Variants in PCDH15 observed in about 807,000 individuals in gnomAD.
PCDH15 encodes protocadherin related 15.
In PCDH15, 129 loss-of-function variants were observed where a neutral mutation model predicts 178.5. That is an observed-to-expected ratio of 0.72 (90% CI 0.63 to 0.84). PCDH15 has a LOEUF of 0.84. Ranked by LOEUF, PCDH15 falls within the 40% of genes least tolerant of loss-of-function variation. The pLI is 0.00. For synonymous variants in PCDH15, 800 were observed against 732.0 expected (o/e 1.09, Z -1.50); for missense variants, 2,230 against 2,099.9 (o/e 1.06, Z -1.21).
chr10:54,056,712 C>T (rs1359364774), intron 18 of PCDH15, among the ~76,000 whole-genome samples: 1 of 152,156 alleles, frequency 6.6e-6, no homozygotes, highest in African/African-American at 2.4e-5. Context: ...CAAAACCAAT[C>T]ATGCCTTCCA....
intron 8 of PCDH15, among the ~76,000 whole-genome samples, chr10:54,297,385 A>C (rs1239120479): frequency 6.6e-6 from 1 of 152,176 alleles, no homozygotes; most frequent in Non-Finnish European, 1.5e-5. Context: ...GGGAAGTATA[A>C]GTTACAATAC....
At chr10:55,331,384 A>G (rs1384458783) in intron 2 of PCDH15, among the ~76,000 whole-genome samples, 1 of 152,026 alleles carries the variant, frequency 6.6e-6, no homozygotes, top group Non-Finnish European at 1.5e-5. Flanking sequence ...ATTATTATTA[A>G]TGTATTTGAT....
chr10:54,391,870 T>C (rs1950582813), intron 3 of PCDH15, among the ~76,000 whole-genome samples: 1 of 152,156 alleles, frequency 6.6e-6, no homozygotes, highest in Non-Finnish European at 1.5e-5. Context: ...GGCATTGTCT[T>C]CTGAATTGGT....
chr10:54,668,218 T>C (rs2094603393), intron 1 of PCDH15, among the ~76,000 whole-genome samples: 1 of 152,036 alleles, frequency 6.6e-6, no homozygotes, highest in Non-Finnish European at 1.5e-5. Context: ...GACACATTTC[T>C]TTTCTCCCAT....
intron 2 of PCDH15, among the ~76,000 whole-genome samples, chr10:55,544,688 G>A (rs193236467): frequency 5.3e-5 from 8 of 152,162 alleles, no homozygotes; most frequent in Admixed American, 3.3e-4. Context: ...GAAAATCTGC[G>A]CAAGCCTGGT....
chr10:54,835,532 T>G lies in PCDH15; in HGVS notation c.-29+61918A>C, dbSNP rs139512688. Among the ~76,000 whole-genome samples the G allele has an allele frequency of 3.9e-5, 6 of 152,130 alleles. No homozygotes were observed. The East Asian group carries it at 9.7e-4, about 24-fold the overall frequency. On this transcript the variant is annotated intron_variant, in intron 3 of 5. Coordinates refer to the PCDH15 transcript ENST00000458638. ...CATAGACACAGTTCCCCAGTACATA[T>G]CCCTACTAAGACAAACACCACCAAC...
At chr10:54,828,493 G>C (rs1953167286) in intron 3 of PCDH15, among the ~76,000 whole-genome samples, 1 of 151,766 alleles carries the variant, frequency 6.6e-6, no homozygotes, top group South Asian at 2.1e-4. Context: ...GTATGTGTAT[G>C]TGTATGTGTA....
In PCDH15 at chr10:53,961,833, G is replaced by T. The variant is rs1338597009; in HGVS notation, c.2928C>A (p.Ala976=). The T allele has an allele frequency of 6.2e-7, 1 of 1,610,420 alleles. No individual in the cohort carries two copies. Among genetic ancestry groups the T allele is most frequent in the Non-Finnish European group, 8.5e-7 (1 of 1,177,328 alleles). ...AATCTTCTTCCACTTCAAAAATACTGGCAGGGTAAGGAAACTGTACATCAT... is the reference window on the plus strand; with the variant it reads ...AATCTTCTTCCACTTCAAAAATACTTGCAGGGTAAGGAAACTGTACATCAT... ...RVDDVQFPYP[A]SIFEVEEDSG... Residue 976 remains alanine (A), a synonymous_variant, in exon 22 of 38, where the codon GCC becomes GCA. Coordinates refer to ENST00000644397, the MANE Select transcript of PCDH15 (RefSeq NM_001384140.1).
At chr10:54,391,732 TG>T (rs1171160839) in intron 3 of PCDH15, among the ~76,000 whole-genome samples, 1 of 152,194 alleles carries the variant, frequency 6.6e-6, no homozygotes, top group Non-Finnish European at 1.5e-5. Flanking sequence ...CTCCTTTCTT[TG>T]CCCATTTGTG....
At chr10:54,152,978 C>A in intron 14 of PCDH15, 122 bp downstream of exon 14, 1 of 1,213,216 alleles carries the variant, frequency 8.2e-7, no homozygotes, top group Non-Finnish European at 1.2e-6. Flanking sequence ...TCTGGTCTCT[C>A]TGATTTTCTG....
intron 2 of PCDH15, among the ~76,000 whole-genome samples, chr10:54,995,133 T>C (rs1026877634): frequency 6.6e-6 from 1 of 152,010 alleles, no homozygotes; most frequent in Non-Finnish European, 1.5e-5. Context: ...TCCCAGCACT[T>C]TGGGAGGCCG....
intron 21 of PCDH15, among the ~76,000 whole-genome samples, chr10:53,966,409 T>A (rs2089024407): frequency 6.6e-6 from 1 of 152,166 alleles, no homozygotes; most frequent in Non-Finnish European, 1.5e-5. Flanking sequence ...CCTTCCCTTC[T>A]TCCCTTCTTT....
At chr10:55,096,076 T>C (rs1330339636) in intron 2 of PCDH15, among the ~76,000 whole-genome samples, 1 of 152,098 alleles carries the variant, frequency 6.6e-6, no homozygotes, top group Admixed American at 6.6e-5. Context: ...TGTGATTATT[T>C]GATTGGAAAC....
At chr10:55,622,989 C>A (rs79223477) in intron 2 of PCDH15, among the ~76,000 whole-genome samples, 1 of 152,168 alleles carries the variant, frequency 6.6e-6, no homozygotes, top group Non-Finnish European at 1.5e-5. Flanking sequence ...ATGTGTTTGA[C>A]ATTTCTGAAG....
At chr10:55,541,324 T>C (rs77556773) in intron 2 of PCDH15, among the ~76,000 whole-genome samples, 2,587 of 152,112 alleles carry the variant, frequency 0.017, 77 homozygotes, top group African/African-American at 0.058. Flanking sequence ...ATTTCTTCTG[T>C]CATTTAATCT....
intron 2 of PCDH15, among the ~76,000 whole-genome samples, chr10:55,035,646 C>T (rs1445530587): frequency 1.3e-5 from 2 of 152,106 alleles, no homozygotes; most frequent in African/African-American, 4.8e-5. Context: ...ATTATAGATA[C>T]TTAGAAAAGG....
At chr10:54,404,374 C>T (rs1952343964) in intron 3 of PCDH15, among the ~76,000 whole-genome samples, 1 of 151,806 alleles carries the variant, frequency 6.6e-6, no homozygotes, top group East Asian at 1.9e-4. Flanking sequence ...TCACATGCCT[C>T]CAACTATCTG....
At chr10:54,803,230 G>A (rs187742416), upstream of PCDH15, among the ~76,000 whole-genome samples, 6 of 152,100 alleles carry the variant, frequency 3.9e-5, no homozygotes, top group East Asian at 1.2e-3. Flanking sequence ...AAAATATATC[G>A]TGAACATTCA....
At chr10:54,854,798 C>T (rs796299294) in intron 3 of PCDH15, among the ~76,000 whole-genome samples, 2 of 152,244 alleles carry the variant, frequency 1.3e-5, no homozygotes, top group African/African-American at 2.4e-5. Flanking sequence ...GAAGGCACAA[C>T]AAGCCCCCAC....
Sources: allele counts gnomAD v4.1 joint callset (sites outside exome capture counted in the v4.1 genomes callset), GRCh38; gene constraint gnomAD v4.1.1; transcripts MANE v1.5; gene names NCBI Gene and HGNC (gene_info 2026-07-23, HGNC 2026-07-21).